The following ITGB1 variants were observed in gnomAD, a reference collection of about 807,000 sequenced individuals.
The protein encoded by ITGB1 is integrin subunit beta 1, also known as integrin beta-1.
ITGB1 carries 24 observed loss-of-function variants against 86.5 expected under a neutral mutation model. The ratio of observed to expected loss-of-function variants is 0.28; its 90% CI spans 0.20 to 0.39. The LOEUF (loss-of-function observed/expected upper bound fraction) is 0.39. Among genes scored for constraint, ITGB1 ranks in the 10% least tolerant of loss-of-function variants. The pLI is 1.00. For missense variants in ITGB1, 556 were observed against 946.9 expected, an observed-to-expected ratio of 0.59 and a Z score of 5.42; for synonymous variants, 323 against 316.8, an observed-to-expected ratio of 1.02 and a Z score of -0.21.
In ITGB1 at chr10:32,910,369, A is replaced by G. The variant is rs201866476; in HGVS notation, c.2018T>C (p.Val673Ala). ...CTGGGGTAATTTGTCCCGACTTTCT[A>G]CCTTGGTAATGTTAAAATAGGAACA... Reference protein sequence around the residue: ...QECSYFNITKVESRDKLPQPV... With the variant: ...QECSYFNITKAESRDKLPQPV... The change falls in exon 14 of 16, where the codon GTA (valine) becomes GCA (alanine). Residue 673 changes from valine to alanine, a missense_variant. Transcript: ENST00000302278. The G allele has an allele frequency of 6.2e-7, 1 of 1,600,726 alleles. No homozygotes were observed. Among genetic ancestry groups the G allele is most frequent in the Non-Finnish European group, 8.6e-7 (1 of 1,167,996 alleles).
chr10:32,938,476 T>G (rs1241272636), intron 1 of ITGB1, among the ~76,000 whole-genome samples: 2 of 152,346 alleles, frequency 1.3e-5, no homozygotes, highest in South Asian at 4.2e-4. Flanking sequence ...TAAGATGAAG[T>G]TATTAGGTAA....
chr10:32,926,555 C>T (rs1770750168), intron 5 of ITGB1, among the ~76,000 whole-genome samples: 1 of 151,872 alleles, frequency 6.6e-6, no homozygotes, highest in African/African-American at 2.4e-5. Flanking sequence ...ACTCTTGCTC[C>T]TGCTCCCACC....
intron 7 of ITGB1, among the ~76,000 whole-genome samples, chr10:32,923,334 G>C (rs376113845): frequency 6.6e-6 from 1 of 152,190 alleles, no homozygotes; most frequent in East Asian, 1.9e-4. Context: ...GGCAAAGAGT[G>C]AAAGTGGCAT....
intron 1 of ITGB1, among the ~76,000 whole-genome samples, chr10:32,955,197 G>GA (rs1299578830): frequency 2.0e-5 from 3 of 152,028 alleles, no homozygotes; most frequent in Non-Finnish European, 4.4e-5. Context: ...TCCCACCTCT[G>GA]AAAAAATAAC....
Position 32,910,416 on chromosome 10 carries a change from C to A in ITGB1, c.1971G>T (p.Lys657Asn), listed in dbSNP as rs200928291. The change falls in exon 14 of 16, where the codon AAG (lysine) becomes AAT (asparagine). Residue 657 changes from lysine (K) to asparagine (N), a missense_variant. Physicochemically the swap from Lys to Asn is moderately conservative, Grantham distance 94 (BLOSUM62 0). Transcript: ENST00000302278. Reference protein sequence around the residue: ...VQCRAFNKGEKKDTCTQECSY... With the variant: ...VQCRAFNKGENKDTCTQECSY... ...AACATTCCTGTGTGCATGTGTCTTTCTTTTCTCCTTTATTGAAGGCTCTGC... is the reference window on the plus strand; with the variant it reads ...AACATTCCTGTGTGCATGTGTCTTTATTTTCTCCTTTATTGAAGGCTCTGC... 6.6e-5 allele frequency: 106 copies of A among 1,598,698 alleles called. No individual in the cohort carries two copies. Among genetic ancestry groups the A allele is most frequent in the East Asian group, 5.4e-4 (24 of 44,756 alleles).
chr10:32,939,665 C>G (rs56679614), intron 1 of ITGB1, among the ~76,000 whole-genome samples: 13,722 of 152,136 alleles, frequency 0.09, 883 homozygotes, highest in East Asian at 0.33. Context: ...TGATGCACCT[C>G]TATTACCATG....
At chr10:32,906,716 C>T (rs960486915) in intron 15 of ITGB1, 1 of 237,300 alleles carries the variant, frequency 4.2e-6, no homozygotes. Context: ...TTGCCAAATA[C>T]AACCACCCCA....
At chr10:32,942,591 G>T (rs1479029666) in intron 1 of ITGB1, among the ~76,000 whole-genome samples, 2 of 152,112 alleles carry the variant, frequency 1.3e-5, no homozygotes, top group African/African-American at 4.8e-5. Flanking sequence ...TTAGGCTCAT[G>T]CCTGCAATCT....
At chr10:32,935,785 G>T in intron 1 of ITGB1, 1 of 408,052 alleles carries the variant, frequency 2.5e-6, no homozygotes, top group Non-Finnish European at 4.4e-6. Flanking sequence ...CAGAGCCCCA[G>T]AATCCATTCG....
At chr10:32,947,485 T>C (rs1042965272) in intron 1 of ITGB1, among the ~76,000 whole-genome samples, 2 of 124,836 alleles carry the variant, frequency 1.6e-5, no homozygotes, top group African/African-American at 3.0e-5. Flanking sequence ...ATACACACAG[T>C]ATGTTAAAAC....
rs543568626 is a variant in ITGB1, at chr10:32,941,163, A to T, written c.1-5605T>A. 1.1e-3 allele frequency among the ~76,000 whole-genome samples: 160 copies of T among 152,260 alleles called. 1 individual carries two copies. The highest frequency in any genetic ancestry group is 3.8e-3 in the African/African-American group (156 of 41,536). Reference sequence around the variant, plus strand: ...AGTGGAGAGAAGATATTCCAAGCAAAAGGCCTGCATATACAAAGCCATGAA... The same window carrying T: ...AGTGGAGAGAAGATATTCCAAGCAATAGGCCTGCATATACAAAGCCATGAA... On this transcript the variant is annotated intron_variant, in intron 1 of 15. Coordinates refer to ENST00000302278, the MANE Select transcript of ITGB1 (RefSeq NM_002211.4).
chr10:32,944,724 C>T (rs1391627298), intron 1 of ITGB1: 17 of 695,034 alleles, frequency 2.4e-5, no homozygotes, highest in Non-Finnish European at 3.0e-5. Context: ...GTGATTAGCC[C>T]GAATGTGCCC....
At chr10:32,933,463 T>C (rs937292823) in intron 2 of ITGB1, 1 of 152,228 alleles carries the variant, frequency 6.6e-6, no homozygotes, top group African/African-American at 2.4e-5. Flanking sequence ...AAGTATGTTT[T>C]AGGTTTCTTT....
At chr10:32,955,571 T>C (rs1244989924) in intron 1 of ITGB1, 1 of 152,210 alleles carries the variant, frequency 6.6e-6, no homozygotes, top group Non-Finnish European at 1.5e-5. Context: ...ATAACTTACT[T>C]ATCAAGAAGC....
At chr10:32,919,794 G>A (rs1204341990) in intron 11 of ITGB1, 91 bp downstream of exon 11, 3 of 1,103,504 alleles carry the variant, frequency 2.7e-6, no homozygotes, top group Admixed American at 1.8e-5. Context: ...GCTCCAAATA[G>A]AGAGATATTC....
chr10:32,949,141 T>C (rs1168042516), intron 1 of ITGB1, among the ~76,000 whole-genome samples: 1 of 152,130 alleles, frequency 6.6e-6, no homozygotes, highest in African/African-American at 2.4e-5. Flanking sequence ...CAAATGGATA[T>C]GATAATAATA....
intron 11 of ITGB1, among the ~76,000 whole-genome samples, chr10:32,917,756 C>T (rs1360439350): frequency 3.3e-5 from 5 of 152,260 alleles, no homozygotes; most frequent in South Asian, 4.1e-4. Context: ...GGACTGTAAA[C>T]TAGTTCAACC....
chr10:32,912,263 C>G, intron 11 of ITGB1, 139 bp from the exon 12 acceptor site: 1 of 680,184 alleles, frequency 1.5e-6, no homozygotes, highest in Non-Finnish European at 2.5e-6. Context: ...GCATTTCCAA[C>G]TGAGGTACTG....
At chr10:32,940,574 G>T (rs2095016058) in intron 1 of ITGB1, among the ~76,000 whole-genome samples, 1 of 152,080 alleles carries the variant, frequency 6.6e-6, no homozygotes, top group Middle Eastern at 3.2e-3. Context: ...TAATCTTATG[G>T]GACCACTGTC....
Sources: allele counts gnomAD v4.1 joint callset (sites outside exome capture counted in the v4.1 genomes callset), GRCh38; gene constraint gnomAD v4.1.1; transcripts MANE v1.5; gene names NCBI Gene and HGNC (gene_info 2026-07-23, HGNC 2026-07-21).